Variants in PLCB1 observed in about 807,000 individuals in gnomAD.
The protein encoded by PLCB1 is 1-phosphatidylinositol 4,5-bisphosphate phosphodiesterase beta-1.
In PLCB1, 46 loss-of-function variants were observed where a neutral mutation model predicts 161.8. That is an observed-to-expected ratio of 0.28 (90% CI 0.22 to 0.36). The LOEUF (loss-of-function observed/expected upper bound fraction) is 0.36. Ranked by LOEUF, PLCB1 falls within the 10% of genes least tolerant of loss-of-function variation. The pLI is 1.00. For missense variants in PLCB1, 1,016 were observed against 1,472.5 expected (o/e 0.69, Z 5.07); for synonymous variants, 517 against 503.7 (o/e 1.03, Z -0.35).
intron 23 of PLCB1, among the ~76,000 whole-genome samples, chr20:8,745,351 G>C (rs1312200555): frequency 7.9e-5 from 12 of 152,078 alleles, no homozygotes; most frequent in Admixed American, 7.2e-4. Flanking sequence ...GCAGGCACTG[G>C]GACACTGTTT....
chr20:8,711,726 C>G (rs750400165), intron 12 of PLCB1, among the ~76,000 whole-genome samples: 4 of 152,112 alleles, frequency 2.6e-5, no homozygotes, highest in Non-Finnish European at 4.4e-5. Context: ...ATAAGCTTTC[C>G]CTTCGCTGGT....
chr20:8,675,275 G>A (rs1990047623), intron 9 of PLCB1, among the ~76,000 whole-genome samples: 2 of 152,280 alleles, frequency 1.3e-5, no homozygotes, highest in Middle Eastern at 3.4e-3. Flanking sequence ...AGATTGGCAA[G>A]AGAAGCCAAG....
intron 3 of PLCB1, among the ~76,000 whole-genome samples, chr20:8,441,993 C>T (rs1222699262): frequency 6.6e-6 from 1 of 152,142 alleles, no homozygotes; most frequent in Non-Finnish European, 1.5e-5. Flanking sequence ...ATTTAAAACA[C>T]ACACACATAC....
intron 3 of PLCB1, among the ~76,000 whole-genome samples, chr20:8,525,643 A>G (rs769635849): frequency 1.3e-5 from 2 of 152,200 alleles, no homozygotes; most frequent in South Asian, 4.1e-4. Flanking sequence ...TCTTGTTTTT[A>G]CCAACAATTG....
At chr20:8,713,234 G>A (rs1283078875) in intron 12 of PLCB1, among the ~76,000 whole-genome samples, 2 of 152,078 alleles carry the variant, frequency 1.3e-5, no homozygotes, top group African/African-American at 4.8e-5. Flanking sequence ...TGTCACCCAG[G>A]CAGGAGTGCA....
At chr20:8,267,763 T>A (rs1279445003) in intron 2 of PLCB1, among the ~76,000 whole-genome samples, 1 of 152,046 alleles carries the variant, frequency 6.6e-6, no homozygotes, top group African/African-American at 2.4e-5. Flanking sequence ...GTTCAAATAC[T>A]CTCTAGAGGT....
chr20:8,620,947 C>A (rs541087006), intron 3 of PLCB1, among the ~76,000 whole-genome samples: 29 of 152,080 alleles, frequency 1.9e-4, no homozygotes, highest in African/African-American at 6.8e-4. Flanking sequence ...GTTTTAGAAG[C>A]CCCTTTGACA....
At chr20:8,479,489 G>T (rs926346935) in intron 3 of PLCB1, among the ~76,000 whole-genome samples, 1 of 152,202 alleles carries the variant, frequency 6.6e-6, no homozygotes, top group Non-Finnish European at 1.5e-5. Context: ...GAAAATGGTT[G>T]TATGCTATAT....
At chr20:8,757,788 A>T (rs930818372) in intron 24 of PLCB1, among the ~76,000 whole-genome samples, 1 of 152,042 alleles carries the variant, frequency 6.6e-6, no homozygotes, top group Non-Finnish European at 1.5e-5. Flanking sequence ...GTTCCCAATG[A>T]TACTAACATT....
intron 31 of PLCB1, among the ~76,000 whole-genome samples, chr20:8,800,808 C>CA (rs1430757383): frequency 6.6e-6 from 1 of 151,848 alleles, no homozygotes; most frequent in East Asian, 1.9e-4. Context: ...TAGGTGGAAC[C>CA]AAAAAACCCT....
intron 2 of PLCB1, among the ~76,000 whole-genome samples, chr20:8,228,755 T>C (rs987652001): frequency 6.6e-6 from 1 of 152,160 alleles, no homozygotes; most frequent in South Asian, 2.1e-4. Context: ...CACTTGTTTT[T>C]CAGTTTTTAA....
chr20:8,727,343 G>C lies in PLCB1; in HGVS notation c.1713G>C (p.Val571=), dbSNP rs773428454. Residue 571 remains valine (V), a synonymous_variant, in exon 17 of 32, where the codon GTG becomes GTC. Coordinates refer to ENST00000338037, the MANE Select transcript of PLCB1 (RefSeq NM_015192.4). ...RNKSFEMSSF[V]ETKGLEQLTK... is the part of the protein sequence containing the mutation. ...AAAGTTTTGAAATGTCTTCCTTCGT[G>C]GAAACCAAAGGACTTGAACAACTCA... is the stretch of plus-strand genomic sequence containing the variant. 2 of 1,605,866 alleles carry C rather than the reference G, an allele frequency of 1.2e-6. No homozygotes were observed. Among genetic ancestry groups the C allele is most frequent in the Admixed American group, 1.7e-5 (1 of 59,404 alleles).
chr20:8,286,808 C>G (rs1983142039), intron 2 of PLCB1, among the ~76,000 whole-genome samples: 1 of 152,136 alleles, frequency 6.6e-6, no homozygotes, highest in African/African-American at 2.4e-5. Context: ...ATATAATAGT[C>G]TCTTGTCTGC....
chr20:8,233,434 A>C (rs1480075439), intron 2 of PLCB1, among the ~76,000 whole-genome samples: 1 of 152,162 alleles, frequency 6.6e-6, no homozygotes, highest in Non-Finnish European at 1.5e-5. Context: ...TTACATTTCT[A>C]TTTAAAGTCT....
At chr20:8,803,781 G>C (rs1222853613) in intron 31 of PLCB1, among the ~76,000 whole-genome samples, 1 of 146,652 alleles carries the variant, frequency 6.8e-6, no homozygotes, top group South Asian at 2.1e-4. Flanking sequence ...TGTGTTTTTT[G>C]TTTGTTTGTT....
intron 2 of PLCB1, among the ~76,000 whole-genome samples, chr20:8,236,372 A>AAG (rs1284982620): frequency 1.3e-5 from 2 of 151,978 alleles, no homozygotes; most frequent in African/African-American, 4.8e-5. Flanking sequence ...TCTTTACAAA[A>AAG]AATTCAAAAA....
intron 3 of PLCB1, among the ~76,000 whole-genome samples, chr20:8,471,076 CA>C (rs1159447109): frequency 5.3e-5 from 8 of 152,120 alleles, no homozygotes; most frequent in Non-Finnish European, 1.2e-4. Flanking sequence ...TAATAATGTA[CA>C]ATTTACACAT....
intron 2 of PLCB1, among the ~76,000 whole-genome samples, chr20:8,251,617 C>CTGT (rs993208833): frequency 6.6e-6 from 1 of 151,942 alleles, no homozygotes; most frequent in African/African-American, 2.4e-5. Context: ...ACTGTATATG[C>CTGT]TGTTCAAAGT....
At chr20:8,258,208 C>A (rs950335767) in intron 2 of PLCB1, among the ~76,000 whole-genome samples, 4 of 152,142 alleles carry the variant, frequency 2.6e-5, no homozygotes, top group African/African-American at 9.7e-5. Flanking sequence ...AATATGCCAG[C>A]ATCTTATTCT....
Sources: allele counts gnomAD v4.1 joint callset (sites outside exome capture counted in the v4.1 genomes callset), GRCh38; gene constraint gnomAD v4.1.1; transcripts MANE v1.5; gene names NCBI Gene and HGNC (gene_info 2026-07-23, HGNC 2026-07-21).